Variants in ANK3 observed in about 807,000 individuals in gnomAD.
ANK3 encodes ankyrin-3.
ANK3 carries 57 observed loss-of-function variants against 370.9 expected under a neutral mutation model. The observed-to-expected ratio is 0.15, with a 90% CI of 0.12 to 0.19. ANK3 has a LOEUF of 0.19. Ranked by LOEUF, ANK3 falls within the 10% of genes least tolerant of loss-of-function variation. ANK3 has a pLI of 1.00. For synonymous variants in ANK3, 1,929 were observed against 1,946.3 expected, an observed-to-expected ratio of 0.99 and a Z score of 0.23; for missense variants, 4,439 against 5,302.1, an observed-to-expected ratio of 0.84 and a Z score of 5.06.
intron 2 of ANK3, among the ~76,000 whole-genome samples, chr10:60,585,560 C>T (rs535662506): frequency 3.3e-4 from 50 of 152,286 alleles, no homozygotes; most frequent in African/African-American, 1.2e-3. Flanking sequence ...CTCCCTATCA[C>T]TTCAGGTGAC....
At chr10:60,394,913 AT>A (rs1440900855) in intron 2 of ANK3, among the ~76,000 whole-genome samples, 4 of 152,180 alleles carry the variant, frequency 2.6e-5, no homozygotes, top group African/African-American at 4.8e-5. Context: ...ATTTAAAAAA[AT>A]ATATAAGGAA....
chr10:60,568,487 G>A (rs925677080), intron 2 of ANK3, among the ~76,000 whole-genome samples: 2 of 152,180 alleles, frequency 1.3e-5, no homozygotes, highest in African/African-American at 2.4e-5. Flanking sequence ...AAATGTGCAT[G>A]ACTTGCTTAG....
chr10:60,179,969 G>A (rs1054838965), intron 18 of ANK3, among the ~76,000 whole-genome samples: 1 of 152,106 alleles, frequency 6.6e-6, no homozygotes, highest in African/African-American at 2.4e-5. Flanking sequence ...ATAAAAAGGA[G>A]AGAGAACCTA....
chr10:60,536,874 T>A (rs2076736771), intron 2 of ANK3, among the ~76,000 whole-genome samples: 1 of 152,058 alleles, frequency 6.6e-6, no homozygotes, highest in Non-Finnish European at 1.5e-5. Flanking sequence ...AACTTTTAAT[T>A]TTATTTATGC....
intron 2 of ANK3, among the ~76,000 whole-genome samples, chr10:60,454,663 C>T (rs1227988481): frequency 6.6e-6 from 1 of 152,140 alleles, no homozygotes; most frequent in African/African-American, 2.4e-5. Context: ...GTTTTTATTA[C>T]ATACACAAAA....
chr10:60,326,888 C>T (rs1311176654), intron 1 of ANK3, among the ~76,000 whole-genome samples: 2 of 132,138 alleles, frequency 1.5e-5, no homozygotes, highest in East Asian at 2.2e-4. Context: ...GGGTGCGGTG[C>T]GGGCGCCTTT....
At chr10:60,392,291 C>G (rs1254439777), upstream of ANK3, among the ~76,000 whole-genome samples, 1 of 152,192 alleles carries the variant, frequency 6.6e-6, no homozygotes, top group Non-Finnish European at 1.5e-5. Context: ...CTTTTAAAAA[C>G]TTTATTCCTT....
intron 2 of ANK3, among the ~76,000 whole-genome samples, chr10:60,565,695 C>T (rs2077443236): frequency 8.5e-5 from 13 of 152,176 alleles, no homozygotes; most frequent in Admixed American, 8.5e-4. Context: ...TCTCATCTCA[C>T]ACTCTCTAAC....
At chr10:60,039,005 C>T (rs1217265805) in intron 43 of ANK3, among the ~76,000 whole-genome samples, 8 of 152,198 alleles carry the variant, frequency 5.3e-5, no homozygotes, top group Admixed American at 5.2e-4. Flanking sequence ...TACATTCTTA[C>T]ATTCTTTCAT....
chr10:60,070,911 A>G lies in ANK3; in HGVS notation c.9970T>C (p.Tyr3324His). 6 of 1,614,100 alleles carry G rather than the reference A, an allele frequency of 3.7e-6. No individual in the cohort carries two copies. Among genetic ancestry groups the G allele is most frequent in the Non-Finnish European group, 4.2e-6 (5 of 1,179,990 alleles). Reference sequence around the variant, plus strand: ...TATTTTTTAACTGGGACTGGCTGATAAATAGATTCGTCATCGCTTGAATCA... The same window carrying G: ...TATTTTTTAACTGGGACTGGCTGATGAATAGATTCGTCATCGCTTGAATCA... ...VSDSSDDESI[Y>H]QPVPVKKYTF... The change falls in exon 37 of 44, where the codon TAT (tyrosine) becomes CAT (histidine). Residue 3324 changes from tyrosine to histidine, a missense_variant. Physicochemically the swap from Tyr to His is moderately conservative, Grantham distance 83 (BLOSUM62 2). Coordinates refer to ENST00000280772, the MANE Select transcript of ANK3 (RefSeq NM_020987.5). The surrounding 1 kb of genome is among the most constrained non-coding windows in gnomAD (Gnocchi z 5.7).
intron 1 of ANK3, among the ~76,000 whole-genome samples, chr10:60,310,340 A>G (rs2046093700): frequency 6.6e-6 from 1 of 152,156 alleles, no homozygotes; most frequent in African/African-American, 2.4e-5. Context: ...CTTTTATTCC[A>G]AGTTTTATTT....
At chr10:60,422,841 T>A (rs1227078309) in intron 2 of ANK3, among the ~76,000 whole-genome samples, 1 of 152,090 alleles carries the variant, frequency 6.6e-6, no homozygotes, top group East Asian at 1.9e-4. Flanking sequence ...GGGAGTGATT[T>A]TCAGTAGTTT....
At chr10:60,718,729 AT>A (rs1457651589) in intron 1 of ANK3, among the ~76,000 whole-genome samples, 1 of 151,990 alleles carries the variant, frequency 6.6e-6, no homozygotes, top group Non-Finnish European at 1.5e-5. Flanking sequence ...ACTTAAAAAA[AT>A]TTTTTTTATG....
chr10:60,137,536 A>T (rs939895658), intron 24 of ANK3, among the ~76,000 whole-genome samples: 1 of 152,058 alleles, frequency 6.6e-6, no homozygotes, highest in African/African-American at 2.4e-5. Flanking sequence ...TGTGCTTAAA[A>T]ATATTGGCTT....
chr10:60,325,688 A>G (rs1225314271), intron 1 of ANK3, among the ~76,000 whole-genome samples: 1 of 152,194 alleles, frequency 6.6e-6, no homozygotes, highest in Non-Finnish European at 1.5e-5. Flanking sequence ...GGTGGGAGTG[A>G]AAATTAGTTC....
chr10:60,261,804 G>T, intron 7 of ANK3, 55 bp downstream of exon 7: 2 of 1,478,598 alleles, frequency 1.4e-6, no homozygotes, highest in Non-Finnish European at 1.9e-6. Context: ...TGGGGAAAGA[G>T]AGTATAAAAT....
intron 2 of ANK3, among the ~76,000 whole-genome samples, chr10:60,437,823 A>T (rs1490156862): frequency 1.3e-5 from 2 of 152,184 alleles, no homozygotes; most frequent in Non-Finnish European, 2.9e-5. Flanking sequence ...ACTTAAAAGG[A>T]TTAAGCAACT....
At chr10:60,710,859 AG>A (rs1564602146) in intron 1 of ANK3, among the ~76,000 whole-genome samples, 1 of 152,226 alleles carries the variant, frequency 6.6e-6, no homozygotes, top group Non-Finnish European at 1.5e-5. Context: ...TATCAAGGAC[AG>A]GGGAAGGTTG....
At chr10:60,589,101 A>G (rs1263933217) in intron 2 of ANK3, among the ~76,000 whole-genome samples, 1 of 152,190 alleles carries the variant, frequency 6.6e-6, no homozygotes, top group Non-Finnish European at 1.5e-5. Context: ...ATGTTTCATG[A>G]TATTAAGATT....
Sources: allele counts gnomAD v4.1 joint callset (sites outside exome capture counted in the v4.1 genomes callset), GRCh38; gene constraint gnomAD v4.1.1; non-coding constraint Gnocchi (gnomAD v3.1); transcripts MANE v1.5; gene names NCBI Gene and HGNC (gene_info 2026-07-23, HGNC 2026-07-21).